Variants in ARB2A observed in about 807,000 individuals in gnomAD.
ARB2A encodes cotranscriptional regulator ARB2A.
the ARB2A span, among the ~76,000 whole-genome samples, chr5:93,813,795 T>G: frequency 6.6e-6 from 1 of 152,180 alleles, no homozygotes. Flanking sequence ...ATTTTTGTTA[T>G]AGGAGCCCAA....
At chr5:94,061,804 A>C in the ARB2A span, among the ~76,000 whole-genome samples, 1 of 152,242 alleles carries the variant, frequency 6.6e-6, no homozygotes. Context: ...GAAGATTTAA[A>C]TAGACATATC....
At chr5:94,100,002 C>T in the ARB2A span, among the ~76,000 whole-genome samples, 1 of 152,128 alleles carries the variant, frequency 6.6e-6, no homozygotes, top group Non-Finnish European at 1.5e-5. Context: ...GTCAAATTAC[C>T]TATTTGCAGA....
At chr5:93,853,992 C>G in the ARB2A span, among the ~76,000 whole-genome samples, 1 of 152,090 alleles carries the variant, frequency 6.6e-6, no homozygotes, top group Non-Finnish European at 1.5e-5. Flanking sequence ...AGGGAGGATT[C>G]CCTCTTTTTC....
chr5:93,991,614 GA>G, the ARB2A span, among the ~76,000 whole-genome samples: 3 of 149,192 alleles, frequency 2.0e-5, no homozygotes, highest in African/African-American at 7.4e-5. Context: ...GCCAAGAACT[GA>G]AAAAAAAATA....
chr5:93,682,084 A>C, the ARB2A span, among the ~76,000 whole-genome samples: 6 of 152,164 alleles, frequency 3.9e-5, no homozygotes, highest in African/African-American at 1.4e-4. Flanking sequence ...AAATAGCTTT[A>C]ATTCAAAATG....
the ARB2A span, among the ~76,000 whole-genome samples, chr5:93,890,571 C>T: frequency 6.6e-6 from 1 of 151,964 alleles, no homozygotes; most frequent in African/African-American, 2.4e-5. Context: ...GTATGCCCAT[C>T]TCAGTTCTGA....
At chr5:93,777,170 A>AGGGGTGGGGGGGGGGGGGG in the ARB2A span, among the ~76,000 whole-genome samples, 1 of 73,448 alleles carries the variant, frequency 1.4e-5, no homozygotes, top group Admixed American at 1.7e-4. Flanking sequence ...GGGTGGGGGG[A>AGGGGTGGGGGGGGGGGGGG]GGGGGCAGGG....
chr5:93,964,459 G>A, the ARB2A span: 2 of 1,554,984 alleles, frequency 1.3e-6, no homozygotes, highest in Non-Finnish European at 1.8e-6. Flanking sequence ...TTGACTTACT[G>A]GAATAGATAC....
At chr5:93,830,311 G>GTGTGTGTGTGTGTATATA in the ARB2A span, among the ~76,000 whole-genome samples, 1 of 82,260 alleles carries the variant, frequency 1.2e-5, no homozygotes, top group Non-Finnish European at 2.4e-5. Context: ...GTGTGTGTGT[G>GTGTGTGTGTGTGTATATA]TATATATATA....
the ARB2A span, among the ~76,000 whole-genome samples, chr5:93,893,669 G>A: frequency 6.6e-6 from 1 of 152,110 alleles, no homozygotes; most frequent in Non-Finnish European, 1.5e-5. Flanking sequence ...AGTATGTAAT[G>A]AATACTTATT....
chr5:93,962,052 C>A, the ARB2A span, among the ~76,000 whole-genome samples: 27 of 152,170 alleles, frequency 1.8e-4, no homozygotes, highest in East Asian at 3.9e-3. Flanking sequence ...TCTTCATTAA[C>A]CTAATTAAGT....
chr5:94,033,669 C>A, the ARB2A span, among the ~76,000 whole-genome samples: 1 of 152,144 alleles, frequency 6.6e-6, no homozygotes, highest in East Asian at 1.9e-4. Flanking sequence ...AAGTGATCTG[C>A]CCATCTCGGC....
chr5:93,784,595 A>G, the ARB2A span: 1 of 860,690 alleles, frequency 1.2e-6, no homozygotes, highest in Middle Eastern at 2.4e-4. Context: ...TTATATTAAC[A>G]ATGAAAAAGC....
the ARB2A span, among the ~76,000 whole-genome samples, chr5:93,723,943 A>G: frequency 6.6e-6 from 1 of 152,120 alleles, no homozygotes. Flanking sequence ...AAATCAGAGT[A>G]GAAACATACC....
chr5:93,834,560 A>G, the ARB2A span, among the ~76,000 whole-genome samples: 97 of 152,340 alleles, frequency 6.4e-4, no homozygotes, highest in Middle Eastern at 3.4e-3. Flanking sequence ...AGAAAGCTAG[A>G]TTCCCATCAT....
the ARB2A span, among the ~76,000 whole-genome samples, chr5:93,968,074 T>C: frequency 6.6e-6 from 1 of 152,220 alleles, no homozygotes; most frequent in East Asian, 1.9e-4. Context: ...ATCTAATGCC[T>C]AGCCAAATAA....
the ARB2A span, among the ~76,000 whole-genome samples, chr5:93,640,981 C>T: frequency 1.3e-5 from 2 of 152,044 alleles, no homozygotes; most frequent in African/African-American, 4.8e-5. Context: ...GCGGGTGGAT[C>T]ACAAAGTCAG....
At chr5:94,100,281 C>A in the ARB2A span, among the ~76,000 whole-genome samples, 1 of 152,036 alleles carries the variant, frequency 6.6e-6, no homozygotes, top group Non-Finnish European at 1.5e-5. Context: ...TGAAAGAAAT[C>A]AGAGATGACA....
the ARB2A span, among the ~76,000 whole-genome samples, chr5:93,929,032 T>TA: frequency 2.0e-5 from 3 of 151,796 alleles, no homozygotes; most frequent in South Asian, 2.1e-4. Flanking sequence ...GTCTTCAAAT[T>TA]AAAAAAAACA....
Sources: gnomAD v4.1 joint callset for allele counts (sites outside exome capture counted in the v4.1 genomes callset) on GRCh38, gnomAD v4.1.1 for gene constraint, MANE v1.5 for transcripts, NCBI Gene and HGNC (gene_info 2026-07-23, HGNC 2026-07-21) for gene names.